Variants in EIF4B observed in about 807,000 individuals in gnomAD.
EIF4B encodes the protein eukaryotic translation initiation factor 4B.
A neutral mutation model predicts 79.3 loss-of-function variants in EIF4B; 8 were observed. The ratio of observed to expected loss-of-function variants is 0.10; its 90% CI spans 0.06 to 0.18. EIF4B has a LOEUF of 0.18. Among genes scored for constraint, EIF4B ranks in the 10% least tolerant of loss-of-function variants. EIF4B has a pLI of 1.00. For synonymous variants in EIF4B, 238 were observed against 274.7 expected (o/e 0.87, Z 1.32); for missense variants, 515 against 792.4 (o/e 0.65, Z 4.20).
chr12:53,009,164 T>C (rs186506612), intron 1 of EIF4B, among the ~76,000 whole-genome samples: 35 of 152,338 alleles, frequency 2.3e-4, no homozygotes, highest in Admixed American at 2.3e-3. Context: ...AAGTGGTCAT[T>C]ATTTATCTGC....
chr12:53,019,687 T>C (rs1943216787), intron 3 of EIF4B, among the ~76,000 whole-genome samples: 1 of 149,724 alleles, frequency 6.7e-6, no homozygotes, highest in African/African-American at 2.4e-5. Context: ...TTTTTTTTTT[T>C]TTTTTAGAGT....
intron 1 of EIF4B, chr12:53,014,529 C>G (rs540965374): frequency 1.3e-5 from 2 of 151,918 alleles, no homozygotes; most frequent in African/African-American, 4.8e-5. Context: ...ATACCATGTT[C>G]GTGGTCAACT....
chr12:53,031,267 T>G (rs1208922374), intron 8 of EIF4B, among the ~76,000 whole-genome samples: 3 of 152,228 alleles, frequency 2.0e-5, no homozygotes, highest in Non-Finnish European at 4.4e-5. Context: ...CCTTCACTGT[T>G]TGCCCAGCCT....
chr12:53,039,938 T>C lies in EIF4B; in HGVS notation c.1756-205T>C. ...TTGTTCTCATCCCTTCTGCAAGGTG[T>C]AGAGGTGGTATGAGACTATAGTAAG... is the stretch of plus-strand genomic sequence containing the variant. On this transcript the variant is annotated intron_variant, in intron 14 of 14. Coordinates refer to ENST00000262056, the MANE Select transcript of EIF4B (RefSeq NM_001417.7). 4.2e-6 allele frequency: 3 copies of C among 708,168 alleles called. No homozygotes were observed. The Middle Eastern group carries it at 7.5e-4, about 177-fold the overall frequency. The allele number at this position is 708,168 out of a possible 1,614,324, so 43.9% of individuals were successfully genotyped here.
chr12:53,026,243 C>T (rs1481716353), intron 6 of EIF4B, among the ~76,000 whole-genome samples: 1 of 152,106 alleles, frequency 6.6e-6, no homozygotes, highest in Non-Finnish European at 1.5e-5. Flanking sequence ...GGGTTGCCAG[C>T]TTCTCTCAGA....
At chr12:53,039,772 A>T in intron 14 of EIF4B, 70 bp downstream of exon 14, 2 of 1,490,720 alleles carry the variant, frequency 1.3e-6, no homozygotes, top group Non-Finnish European at 1.8e-6. Flanking sequence ...TATTCTTACT[A>T]AGAATTAAAA....
chr12:53,009,409 G>T (rs771695833), intron 1 of EIF4B, among the ~76,000 whole-genome samples: 3 of 151,874 alleles, frequency 2.0e-5, no homozygotes, highest in Non-Finnish European at 2.9e-5. Context: ...GGTGGCTCAC[G>T]CCTGTAATCC....
chr12:53,016,872 G>A (rs1350515152), intron 2 of EIF4B, among the ~76,000 whole-genome samples: 1 of 152,046 alleles, frequency 6.6e-6, no homozygotes, highest in Non-Finnish European at 1.5e-5. Flanking sequence ...CTATTCTTTT[G>A]GGCCTCATTT....
intron 1 of EIF4B, among the ~76,000 whole-genome samples, chr12:53,009,018 G>A: frequency 6.6e-6 from 1 of 152,090 alleles, no homozygotes. Flanking sequence ...CTGGGCAAAA[G>A]AGCAAGACTC....
At position 53,033,962 on chromosome 12, in the gene EIF4B, G is replaced by A. The variant is rs779908292; in HGVS notation, c.1136G>A (p.Arg379Gln). Residue 379 changes from arginine to glutamine, a missense_variant, in exon 9 of 15, where the codon CGG becomes CAG. This residue lies in a region of EIF4B where 146 missense variants were observed against 228.0 expected (regional missense o/e 0.64). Transcript: ENST00000262056. ...GCTAGAGAAAGAGAAGTAGAAGAAC[G>A]GCTACAGAAGGAACAAGAGAAGTTG... ...TAAREREVEE[R>Q]LQKEQEKLQR... 1 of 1,614,058 alleles carries A rather than the reference G, an allele frequency of 6.2e-7. No homozygotes were observed. The highest frequency in any genetic ancestry group is 8.5e-7 in the Non-Finnish European group (1 of 1,179,978).
At chr12:53,014,501 A>C (rs1456547348) in intron 1 of EIF4B, 1 of 151,962 alleles carries the variant, frequency 6.6e-6, no homozygotes, top group Non-Finnish European at 1.5e-5. Context: ...ATATTAAGTC[A>C]CTTGAGAGAT....
At chr12:53,036,550 G>T (rs915234975) in intron 10 of EIF4B, among the ~76,000 whole-genome samples, 1 of 151,922 alleles carries the variant, frequency 6.6e-6, no homozygotes, top group African/African-American at 2.4e-5. Context: ...GTTATACGAC[G>T]GGTGCACGCA....
At chr12:53,034,281 A>G (rs1943498488) in intron 9 of EIF4B, among the ~76,000 whole-genome samples, 1 of 152,202 alleles carries the variant, frequency 6.6e-6, no homozygotes, top group African/African-American at 2.4e-5. Flanking sequence ...TGTATCTAAA[A>G]GGCTAGAGAC....
chr12:53,031,884 ATTACT>A (rs1943453102), intron 8 of EIF4B, among the ~76,000 whole-genome samples: 3 of 152,342 alleles, frequency 2.0e-5, no homozygotes, highest in South Asian at 4.1e-4. Context: ...TTAAGGTTAC[ATTACT>A]TAAGCCAGGT....
At chr12:53,026,966 A>C (rs1363177483) in intron 6 of EIF4B, among the ~76,000 whole-genome samples, 1 of 151,824 alleles carries the variant, frequency 6.6e-6, no homozygotes, top group Non-Finnish European at 1.5e-5. Context: ...TATGTTGCAT[A>C]TATTGTTTCT....
At chr12:53,024,648 C>CTTTGTTTTGTTTTGT (rs145603743) in intron 6 of EIF4B, among the ~76,000 whole-genome samples, 1 of 151,906 alleles carries the variant, frequency 6.6e-6, no homozygotes, top group African/African-American at 2.4e-5. Flanking sequence ...TTTACAAGCT[C>CTTTGTTTTGTTTTGT]TTTGTTTTGT....
In EIF4B at chr12:53,009,554, A is replaced by C. The variant is rs551266907; in HGVS notation, c.13+3058A>C. On this transcript the variant is annotated intron_variant, in intron 1 of 14. Coordinates refer to ENST00000262056, the MANE Select transcript of EIF4B (RefSeq NM_001417.7). ...AAATAACATATGTAAGCTCATGCAC[A>C]GGCCTTTCATTTCCATAATGCTTCA... Among the ~76,000 whole-genome samples the C allele has an allele frequency of 2.0e-5, 3 of 152,330 alleles. No homozygotes were observed. In the East Asian group the frequency reaches 5.8e-4, roughly 29 times the overall value.
intron 1 of EIF4B, among the ~76,000 whole-genome samples, chr12:53,014,131 AAAG>A (rs1277095870): frequency 6.6e-6 from 1 of 151,820 alleles, no homozygotes; most frequent in African/African-American, 2.4e-5. Context: ...CACTGCAAAA[AAAG>A]AAAAAAGAAA....
chr12:53,014,124 T>C (rs928087704), intron 1 of EIF4B, among the ~76,000 whole-genome samples: 44 of 150,554 alleles, frequency 2.9e-4, no homozygotes, highest in Admixed American at 2.5e-3. Flanking sequence ...ATTGCACCAC[T>C]GCAAAAAAAG....
Sources: gnomAD v4.1 joint callset for allele counts (sites outside exome capture counted in the v4.1 genomes callset) on GRCh38, gnomAD v4.1.1 for gene constraint, gnomAD v4.1.1 regional missense constraint, MANE v1.5 for transcripts, NCBI Gene and HGNC (gene_info 2026-07-23, HGNC 2026-07-21) for gene names.